KIAA1328: variants seen among roughly 807,000 people sequenced by gnomAD.
The protein encoded by KIAA1328 is protein hinderin.
A neutral mutation model predicts 68.1 loss-of-function variants in KIAA1328; 52 were observed. The observed-to-expected ratio is 0.76, with a 90% CI of 0.61 to 0.96. The LOEUF is 0.96. Ranked by LOEUF, KIAA1328 falls within the 40% of genes least tolerant of loss-of-function variation. The pLI is 0.00. For missense variants in KIAA1328, 641 were observed against 677.6 expected (o/e 0.95, Z 0.60); for synonymous variants, 232 against 239.4 (o/e 0.97, Z 0.28).
chr18:36,914,230 C>CT (rs1360358544), intron 5 of KIAA1328, among the ~76,000 whole-genome samples: 10 of 152,146 alleles, frequency 6.6e-5, no homozygotes, highest in Admixed American at 1.3e-4. Flanking sequence ...AAATCTATCT[C>CT]TTTTTTGTGT....
chr18:36,836,495 C>G (rs982806579), intron 3 of KIAA1328, among the ~76,000 whole-genome samples: 1 of 152,020 alleles, frequency 6.6e-6, no homozygotes, highest in Non-Finnish European at 1.5e-5. Context: ...AGTTTAAGGA[C>G]CTTTCAACAC....
At chr18:36,982,530 A>G (rs1415367629) in intron 6 of KIAA1328, among the ~76,000 whole-genome samples, 2 of 151,960 alleles carry the variant, frequency 1.3e-5, no homozygotes, top group Admixed American at 6.6e-5. Flanking sequence ...ATCAAATTCT[A>G]TACCCAGAAA....
intron 6 of KIAA1328, among the ~76,000 whole-genome samples, chr18:37,060,716 A>C (rs368283106): frequency 1.1e-4 from 17 of 152,246 alleles, no homozygotes; most frequent in African/African-American, 3.9e-4. Context: ...CACCAGCCTA[A>C]TATAAGACTA....
intron 4 of KIAA1328, among the ~76,000 whole-genome samples, chr18:36,850,515 A>G (rs1161639947): frequency 1.3e-5 from 2 of 152,088 alleles, no homozygotes; most frequent in East Asian, 3.8e-4. Flanking sequence ...TTTTTCCTAT[A>G]CTTACATACC....
chr18:37,216,385 G>A (rs1196432610), intron 9 of KIAA1328, among the ~76,000 whole-genome samples: 1 of 151,982 alleles, frequency 6.6e-6, no homozygotes, highest in East Asian at 1.9e-4. Context: ...CTTTCTTTCT[G>A]CCTTCATTTT....
chr18:37,059,886 G>T (rs539870916), intron 6 of KIAA1328, among the ~76,000 whole-genome samples: 75 of 152,120 alleles, frequency 4.9e-4, no homozygotes, highest in Non-Finnish European at 9.1e-4. Context: ...AATGTCCTTT[G>T]CAGGGACATG....
intron 6 of KIAA1328, among the ~76,000 whole-genome samples, chr18:37,037,703 G>A (rs2055081805): frequency 6.6e-6 from 1 of 151,842 alleles, no homozygotes. Context: ...GGCCAATCTG[G>A]TGAAACCCCA....
At chr18:37,174,708 C>T (rs181332941) in intron 9 of KIAA1328, among the ~76,000 whole-genome samples, 1 of 152,034 alleles carries the variant, frequency 6.6e-6, no homozygotes, top group African/African-American at 2.4e-5. Flanking sequence ...ATTCTCCTGC[C>T]TCAGCCTCCT....
At chr18:37,062,154 A>G (rs1333436765) in intron 6 of KIAA1328, among the ~76,000 whole-genome samples, 2 of 152,180 alleles carry the variant, frequency 1.3e-5, no homozygotes, top group African/African-American at 4.8e-5. Flanking sequence ...CTGTTAAGCA[A>G]TTCAATTCTG....
At chr18:37,063,969 G>A (rs1188937714) in intron 6 of KIAA1328, among the ~76,000 whole-genome samples, 2 of 151,918 alleles carry the variant, frequency 1.3e-5, no homozygotes, top group Non-Finnish European at 2.9e-5. Context: ...TGACCTTTTA[G>A]TAAAAGATAG....
At chr18:37,024,253 G>A (rs1251309136) in intron 6 of KIAA1328, among the ~76,000 whole-genome samples, 11 of 151,730 alleles carry the variant, frequency 7.2e-5, no homozygotes, top group South Asian at 4.2e-4. Flanking sequence ...TTCCTACCTC[G>A]GACTCCCAAA....
chr18:37,073,031 CTT>C (rs34401489), intron 7 of KIAA1328, among the ~76,000 whole-genome samples: 40,554 of 151,968 alleles, frequency 0.27, 8,520 homozygotes, highest in African/African-American at 0.59. Context: ...GGACTAAAGA[CTT>C]AATGTAAAAC....
intron 7 of KIAA1328, among the ~76,000 whole-genome samples, chr18:37,146,718 A>G (rs1254396017): frequency 1.3e-5 from 2 of 152,196 alleles, no homozygotes; most frequent in African/African-American, 4.8e-5. Flanking sequence ...AGAGATTACA[A>G]TATGTGTCCC....
chr18:36,845,242 A>G (rs1053777930), intron 4 of KIAA1328, among the ~76,000 whole-genome samples: 5 of 151,754 alleles, frequency 3.3e-5, no homozygotes, highest in African/African-American at 1.2e-4. Flanking sequence ...AATCTCTTTT[A>G]TTAGAATTCT....
At chr18:37,191,706 G>A (rs529678578) in intron 9 of KIAA1328, among the ~76,000 whole-genome samples, 10 of 151,998 alleles carry the variant, frequency 6.6e-5, no homozygotes, top group South Asian at 4.1e-4. Context: ...TTCATCTGAT[G>A]TACTAAGTGG....
At chr18:37,112,223 C>A (rs779424668) in intron 7 of KIAA1328, among the ~76,000 whole-genome samples, 55 of 152,190 alleles carry the variant, frequency 3.6e-4, no homozygotes, top group Non-Finnish European at 6.0e-4. Flanking sequence ...AGACTGCCTC[C>A]TGAAGTGGGT....
intron 6 of KIAA1328, among the ~76,000 whole-genome samples, chr18:36,984,205 G>T (rs1428966646): frequency 6.6e-6 from 1 of 152,024 alleles, no homozygotes; most frequent in Non-Finnish European, 1.5e-5. Flanking sequence ...ACAACGCAAG[G>T]ATATTCAGCC....
chr18:36,899,189 T>TTTGTTC (rs1250617299), intron 5 of KIAA1328, among the ~76,000 whole-genome samples: 4 of 147,968 alleles, frequency 2.7e-5, no homozygotes, highest in Non-Finnish European at 6.1e-5. Flanking sequence ...GCCAAGAATT[T>TTTGTTC]TTGTTCTTGT....
Position 36,995,434 on chromosome 18 carries a change from C to T in KIAA1328, c.576+35999C>T, listed in dbSNP as rs117325094. 4.7e-3 allele frequency among the ~76,000 whole-genome samples: 714 copies of T among 152,192 alleles called. 4 individuals carry two copies. The highest frequency in any genetic ancestry group is 7.8e-3 in the Non-Finnish European group (531 of 68,008). ...AATAAATATACGTGTGCATCATTCA[C>T]CCACTTTCTAACATTCAAAGTTTTG... On this transcript the variant is annotated intron_variant, in intron 6 of 9. Transcript: ENST00000280020.
Sources: gnomAD v4.1 joint callset for allele counts (sites outside exome capture counted in the v4.1 genomes callset) on GRCh38, gnomAD v4.1.1 for gene constraint, MANE v1.5 for transcripts, NCBI Gene and HGNC (gene_info 2026-07-23, HGNC 2026-07-21) for gene names.